Variants in ZFAT observed in about 807,000 individuals in gnomAD.
ZFAT encodes the protein zinc finger and AT-hook domain containing, also known as zinc finger protein ZFAT.
ZFAT carries 64 observed loss-of-function variants against 117.7 expected under a neutral mutation model. That is an observed-to-expected ratio of 0.54 (90% CI 0.44 to 0.67). The LOEUF (loss-of-function observed/expected upper bound fraction) is 0.67. Among genes scored for constraint, ZFAT ranks in the 30% least tolerant of loss-of-function variants. The pLI is 0.00. For missense variants in ZFAT, 1,433 were observed against 1,584.5 expected, an observed-to-expected ratio of 0.90 and a Z score of 1.62; for synonymous variants, 679 against 615.0, an observed-to-expected ratio of 1.10 and a Z score of -1.54.
At chr8:134,811,130 G>C in the ZFAT span, among the ~76,000 whole-genome samples, 1 of 152,168 alleles carries the variant, frequency 6.6e-6, no homozygotes, top group African/African-American at 2.4e-5. Context: ...AGATATGTGA[G>C]TGGAAAAAGA....
intron 1 of ZFAT, among the ~76,000 whole-genome samples, chr8:134,683,466 C>T (rs1040246778): frequency 6.6e-6 from 1 of 152,136 alleles, no homozygotes; most frequent in African/African-American, 2.4e-5. Flanking sequence ...GGCAGAGATC[C>T]CTGTGGCTGG....
Position 134,712,838 on chromosome 8 carries a change from G to A in ZFAT, c.19+7C>T, listed in dbSNP as rs1464412440. 5.2e-5 allele frequency: 18 copies of A among 349,346 alleles called. No individual in the cohort carries two copies. The highest frequency in any genetic ancestry group is 8.5e-5 in the Non-Finnish European group (18 of 211,588). The allele number at this position is 349,346 out of a possible 1,614,324, so 21.6% of individuals were successfully genotyped here. A position where few individuals can be genotyped will look rare whatever the true frequency, so the allele number is the denominator to read the frequency against. ...CCCGTCTCACCCCAACCCCCAGCCC[G>A]GCTCACCTGCCGCCCGCGTCTCCAT... On this transcript the variant is annotated splice_region_variant and intron_variant, in intron 1 of 15. Coordinates refer to ENST00000377838, the MANE Select transcript of ZFAT (RefSeq NM_020863.4).
intron 9 of ZFAT, among the ~76,000 whole-genome samples, chr8:134,585,400 G>C (rs1004136594): frequency 1.3e-5 from 2 of 152,156 alleles, no homozygotes; most frequent in African/African-American, 2.4e-5. Context: ...ATAAATGTGT[G>C]AACAGTTGAA....
the ZFAT span, among the ~76,000 whole-genome samples, chr8:134,809,926 T>C: frequency 3.3e-5 from 5 of 152,146 alleles, no homozygotes; most frequent in Non-Finnish European, 5.9e-5. Flanking sequence ...GTCATAAATA[T>C]AGTAAAATTT....
intron 15 of ZFAT, among the ~76,000 whole-genome samples, chr8:134,488,495 T>C (rs1378262094): frequency 6.6e-6 from 1 of 152,206 alleles, no homozygotes; most frequent in Non-Finnish European, 1.5e-5. Context: ...GGGCCATTTG[T>C]TGAATAAGCC....
At chr8:134,696,591 C>A in intron 1 of ZFAT, 1 of 986,394 alleles carries the variant, frequency 1.0e-6, no homozygotes, top group Non-Finnish European at 1.2e-6. Context: ...TTATCCCTGG[C>A]TGGCACCACC....
intron 3 of ZFAT, among the ~76,000 whole-genome samples, chr8:134,620,741 A>G (rs1353640429): frequency 6.6e-6 from 1 of 152,196 alleles, no homozygotes; most frequent in Non-Finnish European, 1.5e-5. Context: ...AATTTTGGAT[A>G]ATTTACTAAC....
rs142363480 is a variant in ZFAT, at chr8:134,675,430, A to G, written c.20-17693T>C. ...AAAAAGGGTGAAAAGAAGCAAACAA[A>G]GCCTCCAAGAAATATGGGACTACGT... On this transcript the variant is annotated intron_variant, in intron 1 of 15. Transcript: ENST00000377838. Among the ~76,000 whole-genome samples the G allele has an allele frequency of 4.8e-3, 730 of 152,336 alleles. 7 individuals are homozygous for G. Among genetic ancestry groups the G allele is most frequent in the African/African-American group, 0.016 (682 of 41,574 alleles).
chr8:134,738,489 G>A, the ZFAT span, among the ~76,000 whole-genome samples: 5 of 152,228 alleles, frequency 3.3e-5, no homozygotes, highest in South Asian at 6.2e-4. Flanking sequence ...ACGTACGAGA[G>A]TGAAGTACTA....
At chr8:134,579,926 G>C (rs1400365632) in intron 10 of ZFAT, among the ~76,000 whole-genome samples, 1 of 146,780 alleles carries the variant, frequency 6.8e-6, no homozygotes, top group Non-Finnish European at 1.5e-5. Flanking sequence ...CTCCAGCCTA[G>C]CTGACAAAGT....
At chr8:134,624,791 G>T (rs769810435) in intron 3 of ZFAT, among the ~76,000 whole-genome samples, 3 of 152,182 alleles carry the variant, frequency 2.0e-5, no homozygotes, top group Non-Finnish European at 4.4e-5. Flanking sequence ...AAAGTATGTT[G>T]AATTGGAAGC....
intron 2 of ZFAT, among the ~76,000 whole-genome samples, chr8:134,652,076 G>C (rs1314083835): frequency 1.3e-5 from 2 of 152,106 alleles, no homozygotes; most frequent in African/African-American, 2.4e-5. Flanking sequence ...CCAGCACTTC[G>C]GGAGCCTGAG....
rs191005955 is a variant in ZFAT, at chr8:134,622,065, G to A, written c.449-11410C>T. On this transcript the variant is annotated intron_variant, in intron 3 of 15. Coordinates refer to ENST00000377838, the MANE Select transcript of ZFAT (RefSeq NM_020863.4). ...TCTCACATGGTGAGCACACACAGTA[G>A]GCTTTCAGGAAACACTGGCTGCATG... Among the ~76,000 whole-genome samples the A allele has an allele frequency of 2.6e-5, 4 of 152,370 alleles. No homozygotes were observed. The East Asian group carries it at 5.8e-4, about 22-fold the overall frequency.
At chr8:134,677,210 G>A (rs1390030002) in intron 1 of ZFAT, among the ~76,000 whole-genome samples, 6 of 151,962 alleles carry the variant, frequency 3.9e-5, no homozygotes, top group Admixed American at 3.9e-4. Flanking sequence ...GACTAATAAA[G>A]AAGAAAAGAG....
At chr8:134,577,554 T>C (rs1825395547) in intron 10 of ZFAT, among the ~76,000 whole-genome samples, 1 of 152,246 alleles carries the variant, frequency 6.6e-6, no homozygotes, top group Admixed American at 6.5e-5. Flanking sequence ...AGTACTACTA[T>C]ATCGCAACCA....
At chr8:134,584,995 G>A (rs989790742) in intron 9 of ZFAT, among the ~76,000 whole-genome samples, 1 of 152,170 alleles carries the variant, frequency 6.6e-6, no homozygotes, top group Admixed American at 6.5e-5. Flanking sequence ...TAGGGCCCAC[G>A]CAAAGCCCAG....
intron 3 of ZFAT, among the ~76,000 whole-genome samples, chr8:134,627,577 C>A (rs1010217068): frequency 6.6e-6 from 1 of 152,218 alleles, no homozygotes; most frequent in South Asian, 2.1e-4. Flanking sequence ...TCAGCCACAA[C>A]ATGTACCTAC....
chr8:134,528,619 G>A (rs1220248846), intron 12 of ZFAT, among the ~76,000 whole-genome samples: 2 of 152,172 alleles, frequency 1.3e-5, no homozygotes, highest in African/African-American at 2.4e-5. Flanking sequence ...ATACTAAGAC[G>A]TCTCCTTGAC....
chr8:134,542,599 T>A (rs1277284417), intron 11 of ZFAT, among the ~76,000 whole-genome samples: 1 of 152,248 alleles, frequency 6.6e-6, no homozygotes, highest in Non-Finnish European at 1.5e-5. Context: ...GGCCTCCAGC[T>A]TGATCCATGT....
Sources: gnomAD v4.1 joint callset for allele counts (sites outside exome capture counted in the v4.1 genomes callset) on GRCh38, gnomAD v4.1.1 for gene constraint, MANE v1.5 for transcripts, NCBI Gene and HGNC (gene_info 2026-07-23, HGNC 2026-07-21) for gene names.